The following P2RX5 variants were observed in gnomAD, a reference collection of about 807,000 sequenced individuals.
P2RX5 encodes the protein purinergic receptor P2X 5.
In P2RX5, 46 loss-of-function variants were observed where a neutral mutation model predicts 54.1. The observed-to-expected ratio is 0.85, with a 90% confidence interval of 0.67 to 1.09. P2RX5 has a LOEUF of 1.09. Ranked by LOEUF, P2RX5 falls within the 50% of genes least tolerant of loss-of-function variation. The probability of loss-of-function intolerance (pLI) is 0.00; values close to 1 mark genes in which losing one functional copy is unlikely to be tolerated. For synonymous variants in P2RX5, 226 were observed against 226.4 expected (o/e 1.00, Z 0.02); for missense variants, 566 against 549.8 (o/e 1.03, Z -0.29).
At chr17:3,675,870 C>T (rs2050092343) in intron 11 of P2RX5, 2 of 985,226 alleles carry the variant, frequency 2.0e-6, no homozygotes, top group Non-Finnish European at 1.2e-6. Flanking sequence ...ACTTTCTAAT[C>T]AGAGAGCAGT....
chr17:3,721,104 T>A, the P2RX5 span, among the ~76,000 whole-genome samples: 1 of 151,898 alleles, frequency 6.6e-6, no homozygotes, highest in South Asian at 2.1e-4. Context: ...AATTTTTGTA[T>A]TTTTTGTAGA....
chr17:3,708,620 C>T, the P2RX5 span, among the ~76,000 whole-genome samples: 66 of 152,208 alleles, frequency 4.3e-4, no homozygotes, highest in Non-Finnish European at 7.5e-4. Flanking sequence ...TAAAGTGGTC[C>T]GGTCTTTCTG....
intron 9 of P2RX5, among the ~76,000 whole-genome samples, chr17:3,683,368 T>C (rs530287911): frequency 1.8e-4 from 28 of 152,356 alleles, no homozygotes; most frequent in African/African-American, 6.7e-4. Flanking sequence ...CCACCACCTC[T>C]TCCTGCGCCA....
the P2RX5 span, among the ~76,000 whole-genome samples, chr17:3,706,657 G>A: frequency 1.6e-4 from 24 of 152,204 alleles, no homozygotes; most frequent in African/African-American, 5.3e-4. Context: ...TTCGGGGGTC[G>A]GAGCAAGGAG....
Position 3,690,851 on chromosome 17 carries a change from G to A in P2RX5, c.360+105C>T, listed in dbSNP as rs550288235. On this transcript the variant is annotated intron_variant, in intron 3 of 11. Transcript: ENST00000225328. Reference sequence around the variant, plus strand: ...CACACCCGGGTGCACACAGCCACCCGAGACCCTTGGAGTGGACAGACACCC... The same window carrying A: ...CACACCCGGGTGCACACAGCCACCCAAGACCCTTGGAGTGGACAGACACCC... 18 of 1,190,394 alleles carry A rather than the reference G, an allele frequency of 1.5e-5. No individual in the cohort carries two copies. The East Asian group carries it at 2.7e-4, about 18-fold the overall frequency. 73.7% of individuals were successfully genotyped at this position (1,190,394 alleles called of 1,614,324 possible).
chr17:3,691,290 C>G (rs1481847279), intron 2 of P2RX5, among the ~76,000 whole-genome samples: 1 of 152,238 alleles, frequency 6.6e-6, no homozygotes, highest in Non-Finnish European at 1.5e-5. Context: ...TGCCCTGGCC[C>G]TGGCCAACTG....
chr17:3,673,388 G>C lies in P2RX5; in HGVS notation c.*480C>G. ...AGGAAGGTGGTGTCTTTAGGAGAGA[G>C]AGTACTTGGATCCACTGGAGAGTAT... On this transcript the variant is annotated 3_prime_UTR_variant, in exon 12 of 12. Coordinates refer to ENST00000225328, the MANE Select transcript of P2RX5 (RefSeq NM_002561.4). 1 of 1,039,066 alleles carries C rather than the reference G, an allele frequency of 9.6e-7. No homozygotes were observed. The highest frequency in any genetic ancestry group is 1.2e-6 in the Non-Finnish European group (1 of 861,386). 64.4% of individuals were successfully genotyped at this position (1,039,066 alleles called of 1,614,324 possible).
At chr17:3,692,956 G>C (rs1332348855) in intron 1 of P2RX5, among the ~76,000 whole-genome samples, 2 of 152,044 alleles carry the variant, frequency 1.3e-5, no homozygotes, top group African/African-American at 4.8e-5. Context: ...TGCATCAAAA[G>C]ACACTCTCAA....
Position 3,681,916 on chromosome 17 carries a change from G to T in P2RX5, c.1044C>A (p.Asp348Glu). The change falls in exon 10 of 12, where the codon GAC (aspartate) becomes GAA (glutamate). Residue 348 changes from aspartate to glutamate, a missense_variant. Physicochemically the swap from Asp to Glu is conservative, Grantham distance 45. Transcript: ENST00000225328. ...CTGACCTCACTTCCTCGTACTTCTTGTCACGGTAAAACTCTCTCTTTTTGA... is the reference window on the plus strand; with the variant it reads ...CTGACCTCACTTCCTCGTACTTCTTTTCACGGTAAAACTCTCTCTTTTTGA... Reference protein sequence around the residue: ...YLIKKREFYRDKKYEEVRGLE... With the variant: ...YLIKKREFYREKKYEEVRGLE... 1 of 1,613,494 alleles carries T rather than the reference G, an allele frequency of 6.2e-7. No homozygotes were observed. Among genetic ancestry groups the T allele is most frequent in the South Asian group, 1.1e-5 (1 of 91,072 alleles).
chr17:3,690,114 A>G lies in P2RX5; in HGVS notation c.570T>C (p.Ile190=). The G allele has an allele frequency of 6.2e-7, 1 of 1,614,148 alleles. No individual in the cohort carries two copies. Among genetic ancestry groups the G allele is most frequent in the East Asian group, 2.2e-5 (1 of 44,874 alleles). The change falls in exon 6 of 12, where the codon ATT becomes ATC. Residue 190 remains isoleucine, a synonymous_variant. Coordinates refer to ENST00000225328, the MANE Select transcript of P2RX5 (RefSeq NM_002561.4). ...GGAAACGGATGTGGTTCTTTATGAAAATGGTGAAGTCTTCGGCCTCCTTCA... is the reference window on the plus strand; with the variant it reads ...GGAAACGGATGTGGTTCTTTATGAAGATGGTGAAGTCTTCGGCCTCCTTCA... ...PFLKEAEDFT[I]FIKNHIRFPK...
intron 8 of P2RX5, among the ~76,000 whole-genome samples, chr17:3,688,309 G>A (rs117651271): frequency 0.011 from 1,658 of 152,284 alleles, 21 homozygotes; most frequent in East Asian, 0.04. Flanking sequence ...CATTCCCTGA[G>A]GAGCAAGGGC....
intron 8 of P2RX5, 72 bp from the exon 9 acceptor site, chr17:3,688,177 T>C (rs1042195872): frequency 1.2e-6 from 1 of 828,238 alleles, no homozygotes; most frequent in Non-Finnish European, 2.0e-6. Context: ...CTGATGTGGC[T>C]GCTCTGGGGA....
At chr17:3,694,610 G>GC (rs958050814) in intron 1 of P2RX5, among the ~76,000 whole-genome samples, 7 of 152,118 alleles carry the variant, frequency 4.6e-5, no homozygotes, top group South Asian at 2.1e-4. Flanking sequence ...CAAGGAGAGA[G>GC]CCCCCCCTGA....
chr17:3,699,159 G>A (rs1157305558), upstream of P2RX5, among the ~76,000 whole-genome samples: 1 of 151,840 alleles, frequency 6.6e-6, no homozygotes, highest in Non-Finnish European at 1.5e-5. Context: ...ACCTTGGGAG[G>A]CCAAGGCAGG....
chr17:3,697,407 G>T (rs1410253102), upstream of P2RX5, among the ~76,000 whole-genome samples: 1 of 152,136 alleles, frequency 6.6e-6, no homozygotes, highest in African/African-American at 2.4e-5. Context: ...TGAGCGCGGT[G>T]TGGTGAGGAG....
At chr17:3,695,837 C>G (rs761983030) in intron 1 of P2RX5, 32 bp downstream of exon 1, 6 of 1,610,840 alleles carry the variant, frequency 3.7e-6, no homozygotes, top group Non-Finnish European at 5.1e-6. Context: ...CTGCCCCTCC[C>G]CCGCCTTCCC....
intron 10 of P2RX5, 101 bp from the exon 11 acceptor site, chr17:3,679,885 G>T: frequency 9.9e-7 from 1 of 1,005,820 alleles, no homozygotes; most frequent in Non-Finnish European, 1.5e-6. Flanking sequence ...CCTGCAGGCC[G>T]CCACCCTGCT....
rs888090564 is a variant in P2RX5 at position 3,673,674 on chromosome 17, T to C, written c.*194A>G. ...GGGGCAAAAAGACAGCCATGATGGG[T>C]CCGTCCTGATGACCCCAGCATCAGA... On this transcript the variant is annotated 3_prime_UTR_variant, in exon 12 of 12. Transcript: ENST00000225328. The C allele has an allele frequency of 1.5e-5, 22 of 1,501,464 alleles. No individual in the cohort carries two copies. Among genetic ancestry groups the C allele is most frequent in the Middle Eastern group, 2.4e-4 (1 of 4,102 alleles). 93.0% of individuals were successfully genotyped at this position (1,501,464 alleles called of 1,614,324 possible). A position where few individuals can be genotyped will look rare whatever the true frequency, so the allele number is the denominator to read the frequency against.
chr17:3,679,921 G>A (rs1029236162), intron 10 of P2RX5, 137 bp from the exon 11 acceptor site: 5 of 757,504 alleles, frequency 6.6e-6, no homozygotes, highest in Non-Finnish European at 9.1e-6. Flanking sequence ...CCTCCACCCT[G>A]CTTCCTCCAT....
Sources: gnomAD v4.1 joint callset for allele counts (sites outside exome capture counted in the v4.1 genomes callset) on GRCh38, gnomAD v4.1.1 for gene constraint, MANE v1.5 for transcripts, NCBI Gene and HGNC (gene_info 2026-07-23, HGNC 2026-07-21) for gene names.